NRXN3: variants seen among roughly 807,000 people sequenced by gnomAD.
NRXN3 encodes neurexin III.
A neutral mutation model predicts 137.6 loss-of-function variants in NRXN3; 32 were observed. The ratio of observed to expected loss-of-function variants is 0.23; its 90% CI spans 0.18 to 0.31. The LOEUF is 0.31. NRXN3 is among the 10% of genes least tolerant of loss of function. The probability of loss-of-function intolerance (pLI) is 1.00; values close to 1 mark genes in which losing one functional copy is unlikely to be tolerated. For missense variants in NRXN3, 1,574 were observed against 2,062.5 expected, an observed-to-expected ratio of 0.76 and a Z score of 4.59; for synonymous variants, 798 against 784.5, an observed-to-expected ratio of 1.02 and a Z score of -0.29.
intron 19 of NRXN3, among the ~76,000 whole-genome samples, chr14:79,759,458 C>T (rs990496573): frequency 6.6e-6 from 1 of 151,046 alleles, no homozygotes; most frequent in Admixed American, 6.6e-5. Flanking sequence ...AAAAAAATAC[C>T]TTACGTATAC....
intron 8 of NRXN3, among the ~76,000 whole-genome samples, chr14:78,757,421 A>C (rs945089063): frequency 1.3e-5 from 2 of 151,806 alleles, no homozygotes; most frequent in Admixed American, 1.3e-4. Flanking sequence ...AAAAAAAAAA[A>C]AGGATTCTGC....
At chr14:78,396,195 C>A (rs961818558) in intron 4 of NRXN3, among the ~76,000 whole-genome samples, 1 of 152,052 alleles carries the variant, frequency 6.6e-6, no homozygotes, top group Non-Finnish European at 1.5e-5. Flanking sequence ...CACACTCACA[C>A]AATCATAGTC....
intron 15 of NRXN3, among the ~76,000 whole-genome samples, chr14:79,048,751 G>A (rs1002518620): frequency 2.6e-5 from 4 of 151,212 alleles, no homozygotes; most frequent in South Asian, 2.1e-4. Flanking sequence ...TAGGCCGGGC[G>A]CGGTGGCTCA....
intron 4 of NRXN3, among the ~76,000 whole-genome samples, chr14:78,633,105 A>AG (rs1178180523): frequency 6.6e-6 from 1 of 151,444 alleles, no homozygotes; most frequent in Non-Finnish European, 1.5e-5. Flanking sequence ...TAAAAAAAAA[A>AG]TTAGCCTGGT....
chr14:78,920,363 C>T (rs1597392419), intron 10 of NRXN3, among the ~76,000 whole-genome samples: 2 of 152,206 alleles, frequency 1.3e-5, no homozygotes, highest in South Asian at 2.1e-4. Flanking sequence ...TAAAACACCC[C>T]GGAAAATACT....
chr14:79,586,897 C>T (rs1214191019), intron 16 of NRXN3, among the ~76,000 whole-genome samples: 2 of 152,164 alleles, frequency 1.3e-5, no homozygotes, highest in Non-Finnish European at 2.9e-5. Context: ...TAGTTCTTCA[C>T]ATTATTAGCC....
At chr14:79,362,021 A>ATTATTATTC (rs2093701233) in intron 15 of NRXN3, among the ~76,000 whole-genome samples, 1 of 147,340 alleles carries the variant, frequency 6.8e-6, no homozygotes, top group African/African-American at 2.5e-5. Flanking sequence ...TATTATTATT[A>ATTATTATTC]TTATTATTAT....
chr14:78,817,516 A>G (rs1210737899), intron 10 of NRXN3, among the ~76,000 whole-genome samples: 4 of 152,192 alleles, frequency 2.6e-5, no homozygotes, highest in Admixed American at 2.0e-4. Context: ...GGGGCTAGGT[A>G]ATTTATAAAG....
At chr14:79,450,170 T>G (rs2153584405) in intron 15 of NRXN3, among the ~76,000 whole-genome samples, 1 of 152,074 alleles carries the variant, frequency 6.6e-6, no homozygotes, top group South Asian at 2.1e-4. Context: ...CATCCTTAAG[T>G]GACAGAGTGC....
intron 4 of NRXN3, among the ~76,000 whole-genome samples, chr14:78,473,509 T>G (rs1251632655): frequency 6.6e-6 from 1 of 152,176 alleles, no homozygotes; most frequent in Admixed American, 6.5e-5. Context: ...ACCTGCTGAG[T>G]TATGGCCACA....
chr14:79,682,846 A>T (rs1025517759), intron 17 of NRXN3, among the ~76,000 whole-genome samples: 4 of 152,150 alleles, frequency 2.6e-5, no homozygotes, highest in African/African-American at 9.7e-5. Context: ...ATGGGAAAGC[A>T]TTTACTCTAA....
intron 16 of NRXN3, among the ~76,000 whole-genome samples, chr14:79,659,882 A>G (rs2098524872): frequency 6.6e-6 from 1 of 152,182 alleles, no homozygotes; most frequent in South Asian, 2.1e-4. Flanking sequence ...AGTGTTTTAT[A>G]TCTGATCAAA....
At chr14:78,861,046 G>A (rs527939564) in intron 10 of NRXN3, among the ~76,000 whole-genome samples, 8 of 152,064 alleles carry the variant, frequency 5.3e-5, no homozygotes, top group East Asian at 3.9e-4. Flanking sequence ...CTAGGTGATC[G>A]TTATATATGT....
rs988060285 is a variant in NRXN3 at position 79,736,193 on chromosome 14, A to G, written c.4014+38256A>G. Among the ~76,000 whole-genome samples, 4 of 152,236 alleles carry G rather than the reference A, an allele frequency of 2.6e-5. No homozygotes were observed. The South Asian group carries it at 8.3e-4, about 32-fold the overall frequency. ...CAGTCTTAACTCAGCACTGTCTTCT[A>G]TTTTCTACCAAATAGAATACAATAA... On this transcript the variant is annotated intron_variant, in intron 19 of 20. Coordinates refer to ENST00000335750, the MANE Select transcript of NRXN3 (RefSeq NM_001330195.2).
intron 4 of NRXN3, among the ~76,000 whole-genome samples, chr14:78,515,119 TA>T (rs1296138923): frequency 6.6e-6 from 1 of 152,098 alleles, no homozygotes; most frequent in East Asian, 1.9e-4. Context: ...AAAACCGCTG[TA>T]TTAAAGGAAA....
intron 16 of NRXN3, among the ~76,000 whole-genome samples, chr14:79,576,329 TAGAA>T (rs1038211814): frequency 1.6e-4 from 25 of 152,170 alleles, no homozygotes; most frequent in African/African-American, 2.9e-4. Context: ...TATGCACAAA[TAGAA>T]AGAGAGAAAT....
At chr14:79,594,038 T>G (rs2097838123) in intron 16 of NRXN3, among the ~76,000 whole-genome samples, 1 of 152,182 alleles carries the variant, frequency 6.6e-6, no homozygotes. Flanking sequence ...ATGTAAATGT[T>G]TTAGGGCAAC....
chr14:79,601,888 G>T lies in NRXN3; in HGVS notation c.3445-61890G>T, dbSNP rs145468762. Among the ~76,000 whole-genome samples, 10 of 152,262 alleles carry T rather than the reference G, an allele frequency of 6.6e-5. 1 individual carries two copies. In the East Asian group the frequency reaches 1.9e-3, roughly 29 times the overall value. On this transcript the variant is annotated intron_variant, in intron 16 of 20. Transcript: ENST00000335750. Reference sequence around the variant, plus strand: ...AGAGTGCTAGAGACTATGGCACCCAGGAGAACCCAGACCGAAGAGGGCAGC... The same window carrying T: ...AGAGTGCTAGAGACTATGGCACCCATGAGAACCCAGACCGAAGAGGGCAGC...
At chr14:79,495,721 G>A (rs932034745) in intron 16 of NRXN3, among the ~76,000 whole-genome samples, 1 of 151,956 alleles carries the variant, frequency 6.6e-6, no homozygotes, top group East Asian at 1.9e-4. Context: ...GCTCAAAGTT[G>A]CACAGCTAGT....
Sources: allele counts gnomAD v4.1 joint callset (sites outside exome capture counted in the v4.1 genomes callset), GRCh38; gene constraint gnomAD v4.1.1; transcripts MANE v1.5; gene names NCBI Gene and HGNC (gene_info 2026-07-23, HGNC 2026-07-21).